The following KYAT1 variants were observed in gnomAD, a reference collection of about 807,000 sequenced individuals.
KYAT1 encodes the protein kynurenine aminotransferase 1.
In KYAT1, 47 loss-of-function variants were observed where a neutral mutation model predicts 52.4. The observed-to-expected ratio is 0.90, with a 90% confidence interval of 0.71 to 1.14. The LOEUF (loss-of-function observed/expected upper bound fraction) is 1.14. KYAT1 is among the 50% of genes most tolerant of loss of function. KYAT1 has a pLI of 0.00. For missense variants in KYAT1, 480 were observed against 557.9 expected (o/e 0.86, Z 1.41); for synonymous variants, 212 against 209.6 (o/e 1.01, Z -0.10).
chr9:128,843,433 C>T (rs1005614821), intron 2 of KYAT1, among the ~76,000 whole-genome samples: 40 of 149,872 alleles, frequency 2.7e-4, no homozygotes. Flanking sequence ...GGCTGGAGTG[C>T]AGTGGTGCAA....
intron 1 of KYAT1, among the ~76,000 whole-genome samples, chr9:128,878,873 G>A (rs1209709328): frequency 6.6e-6 from 1 of 152,200 alleles, no homozygotes; most frequent in Non-Finnish European, 1.5e-5. Context: ...CCTCGCGGGA[G>A]CCTTGGAGGA....
intron 1 of KYAT1, among the ~76,000 whole-genome samples, chr9:128,873,328 A>C (rs554766285): frequency 6.6e-6 from 1 of 150,724 alleles, no homozygotes; most frequent in African/African-American, 2.4e-5. Flanking sequence ...ACAAAGTGAG[A>C]CTCTGTCATT....
intron 1 of KYAT1, among the ~76,000 whole-genome samples, chr9:128,863,927 C>T (rs1029763304): frequency 3.9e-5 from 6 of 152,130 alleles, no homozygotes; most frequent in African/African-American, 1.4e-4. Context: ...ACACCTCCCT[C>T]CAATGCCCTG....
chr9:128,878,238 G>A (rs952580116), intron 1 of KYAT1, among the ~76,000 whole-genome samples: 2 of 151,894 alleles, frequency 1.3e-5, no homozygotes, highest in Non-Finnish European at 2.9e-5. Context: ...AGTTTCAAGC[G>A]ATTCTTGTAC....
intron 1 of KYAT1, among the ~76,000 whole-genome samples, chr9:128,881,503 T>G (rs1179393543): frequency 6.6e-6 from 1 of 152,204 alleles, no homozygotes; most frequent in Non-Finnish European, 1.5e-5. Flanking sequence ...TATGGATTAT[T>G]TTTTAATTTG....
chr9:128,876,563 GCC>G (rs1838066905), intron 1 of KYAT1, among the ~76,000 whole-genome samples: 7 of 148,694 alleles, frequency 4.7e-5, no homozygotes, highest in African/African-American at 1.7e-4. Flanking sequence ...GACTACAGGC[GCC>G]CGCCACCACG....
At chr9:128,849,070 G>C (rs577782888) in intron 1 of KYAT1, among the ~76,000 whole-genome samples, 4 of 148,578 alleles carry the variant, frequency 2.7e-5, no homozygotes, top group African/African-American at 5.0e-5. Context: ...AGCCAAGATC[G>C]TGCCACTGTA....
chr9:128,848,461 A>G (rs1833444492), intron 1 of KYAT1, among the ~76,000 whole-genome samples: 1 of 152,226 alleles, frequency 6.6e-6, no homozygotes, highest in Non-Finnish European at 1.5e-5. Context: ...ATATAAGTCA[A>G]TTGAATAGAA....
Position 128,858,052 on chromosome 9 carries a change from T to C in KYAT1, c.-6-12641A>G, listed in dbSNP as rs147671530. Among the ~76,000 whole-genome samples the C allele has an allele frequency of 2.5e-3, 385 of 152,156 alleles. 3 individuals are homozygous for C. The highest frequency in any genetic ancestry group is 9.1e-3 in the African/African-American group (376 of 41,540). On this transcript the variant is annotated intron_variant, in intron 1 of 12. Transcript: ENST00000302586. The stretch of plus-strand genomic sequence containing the variant: ...GAAAATGAAAAGACAGCCCATGGAA[T>C]GGAAGGAAATATCTGCAAATCATAA...
intron 3 of KYAT1, chr9:128,842,097 TG>T: frequency 8.5e-6 from 3 of 353,082 alleles, no homozygotes; most frequent in Non-Finnish European, 1.2e-5. Context: ...GAGGCTGAGG[TG>T]GGAGGACCAC....
intron 1 of KYAT1, among the ~76,000 whole-genome samples, chr9:128,857,064 G>C (rs1163140602): frequency 1.3e-5 from 2 of 152,252 alleles, no homozygotes; most frequent in African/African-American, 4.8e-5. Flanking sequence ...AGACATGTTG[G>C]CAGCAATGCT....
In KYAT1 at chr9:128,836,029, C is replaced by T. The variant is rs766480924; in HGVS notation, c.733G>A (p.Ala245Thr). The T allele has an allele frequency of 2.5e-5, 40 of 1,613,728 alleles. No homozygotes were observed. Among genetic ancestry groups the T allele is most frequent in the South Asian group, 3.3e-5 (3 of 91,078 alleles). ...CCAGTGGCGCTGAAGGTCTTGCCGGCGCTGCCGATGGTCAGGGTCCGTTCC... is the reference window on the plus strand; with the variant it reads ...CCAGTGGCGCTGAAGGTCTTGCCGGTGCTGCCGATGGTCAGGGTCCGTTCC... ...MWERTLTIGS[A>T]GKTFSATGWK... is the part of the protein sequence containing the mutation. The change falls in exon 8 of 13, where the codon GCC (alanine) becomes ACC (threonine). Residue 245 changes from alanine to threonine, a missense_variant. Physicochemically the swap from Ala to Thr is moderately conservative, Grantham distance 58 (BLOSUM62 0). Coordinates refer to ENST00000302586, the MANE Select transcript of KYAT1 (RefSeq NM_004059.5).
At chr9:128,864,726 A>G (rs908031948) in intron 1 of KYAT1, among the ~76,000 whole-genome samples, 2 of 151,998 alleles carry the variant, frequency 1.3e-5, no homozygotes, top group African/African-American at 4.8e-5. Flanking sequence ...CTTGTGCCTC[A>G]GCCTCCCGAG....
chr9:128,835,351 C>T lies in KYAT1; in HGVS notation c.1094G>A (p.Arg365His), dbSNP rs953720761. ...GTTCTTGATCATCCACTTGACGAAGCGTCTGTCATAGGGCTCATCCACAGC... is the reference window on the plus strand; with the variant it reads ...GTTCTTGATCATCCACTTGACGAAGTGTCTGTCATAGGGCTCATCCACAGC... Reference protein sequence around the residue: ...PGAVDEPYDRRFVKWMIKNKG... With the variant: ...PGAVDEPYDRHFVKWMIKNKG... The change falls in exon 11 of 13, where the codon CGC becomes CAC. Residue 365 changes from arginine to histidine, a missense_variant. Transcript: ENST00000302586. 3 of 1,613,770 alleles carry T rather than the reference C, an allele frequency of 1.9e-6. No individual in the cohort carries two copies. Among genetic ancestry groups the T allele is most frequent in the Non-Finnish European group, 1.7e-6 (2 of 1,179,920 alleles).
chr9:128,852,330 C>CT (rs1564474730), intron 1 of KYAT1, among the ~76,000 whole-genome samples: 2 of 152,078 alleles, frequency 1.3e-5, no homozygotes, highest in African/African-American at 4.8e-5. Context: ...TGAAGGACTG[C>CT]TTTTTTACCA....
Position 128,880,225 on chromosome 9 carries a change from G to A in KYAT1, c.-7+1672C>T, listed in dbSNP as rs191522139. Among the ~76,000 whole-genome samples, 6 of 152,254 alleles carry A rather than the reference G, an allele frequency of 3.9e-5. No homozygotes were observed. In the South Asian group the frequency reaches 1.0e-3, roughly 26 times the overall value. ...GGTTGGAAAGAGGTGCCCAAGCCCTGGACTTTAAGCCTGGGCTCTGACCTT... is the reference window on the plus strand; with the variant it reads ...GGTTGGAAAGAGGTGCCCAAGCCCTAGACTTTAAGCCTGGGCTCTGACCTT... On this transcript the variant is annotated intron_variant, in intron 1 of 12. Transcript: ENST00000302586.
At chr9:128,849,806 AAAAAG>A (rs199627869) in intron 1 of KYAT1, among the ~76,000 whole-genome samples, 58,069 of 120,628 alleles carry the variant, frequency 0.48, 15,146 homozygotes, top group Non-Finnish European at 0.63. Flanking sequence ...AAAAAAAAAA[AAAAAG>A]AAAAGAAAAG....
chr9:128,864,526 T>TTACC (rs1198986952), intron 1 of KYAT1, among the ~76,000 whole-genome samples: 1 of 152,134 alleles, frequency 6.6e-6, no homozygotes, highest in African/African-American at 2.4e-5. Flanking sequence ...TTACATCCCT[T>TTACC]TACCCTCTGG....
chr9:128,837,873 C>G, intron 5 of KYAT1, 60 bp from the exon 6 acceptor site: 1 of 1,590,188 alleles, frequency 6.3e-7, no homozygotes, highest in Non-Finnish European at 8.6e-7. Context: ...AGGTCTTCCC[C>G]AGCATCTATC....
Sources: gnomAD v4.1 joint callset for allele counts (sites outside exome capture counted in the v4.1 genomes callset) on GRCh38, gnomAD v4.1.1 for gene constraint, MANE v1.5 for transcripts, NCBI Gene and HGNC (gene_info 2026-07-23, HGNC 2026-07-21) for gene names.